SUMF1: variants seen among roughly 807,000 people sequenced by gnomAD.
The protein encoded by SUMF1 is formylglycine-generating enzyme.
Under a neutral mutation model 47.6 loss-of-function variants are expected in SUMF1, and 48 were observed. The ratio of observed to expected loss-of-function variants is 1.01; its 90% CI spans 0.80 to 1.28. The LOEUF (loss-of-function observed/expected upper bound fraction) is 1.28, where lower values mean the gene tolerates loss of function less well. Ranked by LOEUF, SUMF1 falls within the 50% of genes most tolerant of loss-of-function variation. The pLI is 0.00. For synonymous variants in SUMF1, 230 were observed against 192.1 expected (o/e 1.20, Z -1.63); for missense variants, 571 against 485.4 (o/e 1.18, Z -1.66).
chr3:4,332,379 A>G (rs1481505199), intron 8 of SUMF1, among the ~76,000 whole-genome samples: 1 of 152,236 alleles, frequency 6.6e-6, no homozygotes, highest in Non-Finnish European at 1.5e-5. Context: ...TATGTGAAAC[A>G]AGGTAGAAAA....
intron 8 of SUMF1, among the ~76,000 whole-genome samples, chr3:4,155,223 A>T (rs1236131018): frequency 6.6e-6 from 1 of 151,504 alleles, no homozygotes; most frequent in East Asian, 1.9e-4. Context: ...TACTGTGCTT[A>T]GGTTCATGTG....
At chr3:4,062,177 T>G (rs1290477932) in intron 9 of SUMF1, among the ~76,000 whole-genome samples, 1 of 152,058 alleles carries the variant, frequency 6.6e-6, no homozygotes, top group African/African-American at 2.4e-5. Context: ...AGCCAACCCT[T>G]GCCTGGGAAA....
chr3:4,285,093 C>T (rs1697605902), intron 8 of SUMF1, among the ~76,000 whole-genome samples: 1 of 152,156 alleles, frequency 6.6e-6, no homozygotes, highest in Non-Finnish European at 1.5e-5. Context: ...TCTCCTGTCT[C>T]TAAGCCACCG....
chr3:4,453,316 T>A (rs1703038223), intron 1 of SUMF1, among the ~76,000 whole-genome samples: 1 of 152,112 alleles, frequency 6.6e-6, no homozygotes, highest in Admixed American at 6.5e-5. Flanking sequence ...AGGTCTGGAA[T>A]AACAGTCACC....
At chr3:4,346,225 A>G (rs567492604) in intron 8 of SUMF1, among the ~76,000 whole-genome samples, 1 of 152,340 alleles carries the variant, frequency 6.6e-6, no homozygotes, top group South Asian at 2.1e-4. Context: ...CAGAATATAC[A>G]TTCTTCTCAG....
chr3:4,268,293 G>A (rs1029049637), intron 8 of SUMF1, among the ~76,000 whole-genome samples: 3 of 151,950 alleles, frequency 2.0e-5, no homozygotes, highest in Non-Finnish European at 2.9e-5. Context: ...GCTAGATGAC[G>A]AGGCGGGGAG....
intron 8 of SUMF1, among the ~76,000 whole-genome samples, chr3:4,199,504 G>A (rs1695497367): frequency 6.6e-6 from 1 of 152,114 alleles, no homozygotes; most frequent in African/African-American, 2.4e-5. Context: ...AGAAATTTCT[G>A]GGTTGTATGG....
chr3:4,314,181 G>A, intron 8 of SUMF1: 1 of 201,892 alleles, frequency 5.0e-6, no homozygotes. Context: ...AAGGAGTCTA[G>A]GTGTCTGGTA....
intron 8 of SUMF1, among the ~76,000 whole-genome samples, chr3:4,142,583 C>G (rs1391657552): frequency 6.6e-6 from 1 of 152,120 alleles, no homozygotes; most frequent in African/African-American, 2.4e-5. Context: ...CTAACACAAA[C>G]AGTTTTCTGC....
intron 8 of SUMF1, among the ~76,000 whole-genome samples, chr3:4,158,491 A>G (rs974368162): frequency 6.6e-6 from 1 of 151,570 alleles, no homozygotes; most frequent in Non-Finnish European, 1.5e-5. Flanking sequence ...CAAATTAAGT[A>G]CAATGTTTTT....
chr3:4,104,335 G>A (rs960350156), intron 8 of SUMF1, among the ~76,000 whole-genome samples: 1 of 152,028 alleles, frequency 6.6e-6, no homozygotes, highest in African/African-American at 2.4e-5. Context: ...GTGGAATTGT[G>A]AGTCCATTAG....
At chr3:4,084,637 T>A (rs1297099297) in intron 8 of SUMF1, among the ~76,000 whole-genome samples, 2 of 152,130 alleles carry the variant, frequency 1.3e-5, no homozygotes, top group Non-Finnish European at 2.9e-5. Flanking sequence ...CTTTCACACT[T>A]AGCACAAAGT....
chr3:4,400,459 T>C (rs1257709123), intron 7 of SUMF1, among the ~76,000 whole-genome samples: 3 of 152,198 alleles, frequency 2.0e-5, no homozygotes, highest in East Asian at 1.9e-4. Context: ...CTGCGTGATG[T>C]TTATGTTTGC....
chr3:4,463,887 A>G (rs1425415793), intron 1 of SUMF1, among the ~76,000 whole-genome samples: 2 of 152,248 alleles, frequency 1.3e-5, no homozygotes, highest in African/African-American at 4.8e-5. Context: ...AATGAGAATC[A>G]TATTTTTATA....
chr3:4,212,623 G>A (rs1250553371), intron 8 of SUMF1, among the ~76,000 whole-genome samples: 2 of 152,066 alleles, frequency 1.3e-5, no homozygotes, highest in African/African-American at 4.8e-5. Flanking sequence ...TGAGCTAAAG[G>A]AGCATGCTGT....
intron 8 of SUMF1, among the ~76,000 whole-genome samples, chr3:4,096,219 A>G (rs985930189): frequency 1.7e-4 from 26 of 152,188 alleles, no homozygotes; most frequent in African/African-American, 4.8e-4. Context: ...AAAGCTGAGC[A>G]TCACCAACTC....
intron 7 of SUMF1, among the ~76,000 whole-genome samples, chr3:4,392,212 T>C (rs1700891227): frequency 6.6e-6 from 1 of 152,202 alleles, no homozygotes; most frequent in Admixed American, 6.5e-5. Flanking sequence ...AACTAGGGAA[T>C]TTTTCATTTC....
chr3:4,253,141 C>T (rs1696845908), intron 8 of SUMF1, among the ~76,000 whole-genome samples: 1 of 152,188 alleles, frequency 6.6e-6, no homozygotes, highest in Admixed American at 6.5e-5. Context: ...GGTTATGACA[C>T]AAGCTCAGTT....
At chr3:4,222,588 C>T (rs1364506123) in intron 8 of SUMF1, among the ~76,000 whole-genome samples, 1 of 151,946 alleles carries the variant, frequency 6.6e-6, no homozygotes, top group East Asian at 1.9e-4. Context: ...GTTCCTAGCT[C>T]TCTACCCGGA....
Sources: gnomAD v4.1 joint callset for allele counts (sites outside exome capture counted in the v4.1 genomes callset) on GRCh38, gnomAD v4.1.1 for gene constraint, MANE v1.5 for transcripts, NCBI Gene and HGNC (gene_info 2026-07-23, HGNC 2026-07-21) for gene names.